Variants in PSMD14 observed in about 807,000 individuals in gnomAD.
PSMD14 encodes the protein proteasome 26S subunit, non-ATPase 14, also known as ubiquitin C-terminal hydrolase PSMD14.
Under a neutral mutation model 41.2 loss-of-function variants are expected in PSMD14, and 7 were observed. The ratio of observed to expected loss-of-function variants is 0.17; its 90% confidence interval spans 0.10 to 0.32. PSMD14 has a LOEUF of 0.32. Among genes scored for constraint, PSMD14 ranks in the 10% least tolerant of loss-of-function variants. The pLI, the probability that PSMD14 is intolerant of heterozygous loss-of-function variation, is 1.00. For synonymous variants in PSMD14, 114 were observed against 122.3 expected (o/e 0.93, Z 0.45); for missense variants, 139 against 375.6 (o/e 0.37, Z 5.21).
chr2:161,402,269 A>T (rs1437140237), intron 10 of PSMD14, among the ~76,000 whole-genome samples: 1 of 152,178 alleles, frequency 6.6e-6, no homozygotes, highest in Non-Finnish European at 1.5e-5. Context: ...AAAACTATTT[A>T]AAAAAAGAGA....
At chr2:161,359,216 C>T (rs1683255689) in intron 3 of PSMD14, among the ~76,000 whole-genome samples, 1 of 152,172 alleles carries the variant, frequency 6.6e-6, no homozygotes, top group Non-Finnish European at 1.5e-5. Flanking sequence ...AAGTGATCCT[C>T]CAGCTTTGGC....
intron 3 of PSMD14, among the ~76,000 whole-genome samples, chr2:161,359,766 A>C (rs907031092): frequency 6.6e-6 from 1 of 152,210 alleles, no homozygotes; most frequent in African/African-American, 2.4e-5. Flanking sequence ...AATGGAAGTG[A>C]ACTAAGCTCC....
At chr2:161,345,236 C>CTT (rs869245727) in intron 3 of PSMD14, among the ~76,000 whole-genome samples, 206 of 57,016 alleles carry the variant, frequency 3.6e-3, no homozygotes, top group Non-Finnish European at 3.8e-3. Flanking sequence ...ATCTCTGTGT[C>CTT]TTTTTTTTTT....
intron 11 of PSMD14, among the ~76,000 whole-genome samples, chr2:161,409,855 AT>A (rs1684000634): frequency 6.6e-6 from 1 of 152,022 alleles, no homozygotes; most frequent in Admixed American, 6.6e-5. Context: ...AATACAGTTC[AT>A]TTTATTTTCT....
intron 9 of PSMD14, 87 bp from the exon 10 acceptor site, chr2:161,394,991 T>G (rs796924886): frequency 4.3e-6 from 5 of 1,170,938 alleles, no homozygotes; most frequent in African/African-American, 3.2e-5. Context: ...TCGAAATGTT[T>G]TTTTTTTTTT....
chr2:161,368,017 A>T, intron 5 of PSMD14, 114 bp downstream of exon 5: 3 of 1,241,298 alleles, frequency 2.4e-6, no homozygotes, highest in Non-Finnish European at 3.3e-6. Context: ...AGGAAAAATT[A>T]ATCATAAGTT....
At chr2:161,343,114 T>A (rs1038639613) in intron 3 of PSMD14, among the ~76,000 whole-genome samples, 1 of 152,220 alleles carries the variant, frequency 6.6e-6, no homozygotes, top group African/African-American at 2.4e-5. Flanking sequence ...CATTTTTAAG[T>A]GATCAGTTCA....
At chr2:161,387,282 AC>A (rs1195663330) in intron 8 of PSMD14, among the ~76,000 whole-genome samples, 3 of 151,908 alleles carry the variant, frequency 2.0e-5, no homozygotes, top group Admixed American at 6.6e-5. Context: ...CTAGAAAGCA[AC>A]CCAGAAGAGC....
intron 3 of PSMD14, among the ~76,000 whole-genome samples, chr2:161,329,599 T>C (rs1682755576): frequency 1.3e-5 from 2 of 152,260 alleles, no homozygotes; most frequent in South Asian, 4.1e-4. Flanking sequence ...TCTTAAGAAG[T>C]AGAGAAGGGT....
At chr2:161,385,384 C>T (rs1170707218) in intron 7 of PSMD14, 80 bp from the exon 8 acceptor site, 18 of 651,362 alleles carry the variant, frequency 2.8e-5, no homozygotes, top group South Asian at 7.1e-5. Context: ...AGATGCACGT[C>T]GATCATGCCT....
chr2:161,344,586 G>C (rs1307520249), intron 3 of PSMD14, among the ~76,000 whole-genome samples: 1 of 151,970 alleles, frequency 6.6e-6, no homozygotes, highest in African/African-American at 2.4e-5. Context: ...CTTTTAAAGA[G>C]AGTTAAATAA....
chr2:161,345,664 G>C (rs1401283162), intron 3 of PSMD14, among the ~76,000 whole-genome samples: 2 of 151,822 alleles, frequency 1.3e-5, no homozygotes, highest in African/African-American at 4.8e-5. Flanking sequence ...CTTGTGCTTT[G>C]GTTTATTGAA....
rs374600740 is a variant in PSMD14, at chr2:161,310,562, A to G, written c.-138+1958A>G. On this transcript the variant is annotated intron_variant, in intron 1 of 11. Coordinates refer to ENST00000409682, the MANE Select transcript of PSMD14 (RefSeq NM_005805.6). Reference sequence around the variant, plus strand: ...ATTTGTGAAATGGGAGAACTTGATTAAATAATCTCTTCTAGTTCTAAAATG... The same window carrying G: ...ATTTGTGAAATGGGAGAACTTGATTGAATAATCTCTTCTAGTTCTAAAATG... Among the ~76,000 whole-genome samples, 4 of 146,322 alleles carry G rather than the reference A, an allele frequency of 2.7e-5. No individual in the cohort carries two copies. The East Asian group carries it at 7.7e-4, about 28-fold the overall frequency.
At chr2:161,346,988 G>C (rs1428115494) in intron 3 of PSMD14, among the ~76,000 whole-genome samples, 1 of 151,942 alleles carries the variant, frequency 6.6e-6, no homozygotes, top group Non-Finnish European at 1.5e-5. Context: ...TTTTTCTGTG[G>C]TACTCTGTCC....
intron 3 of PSMD14, among the ~76,000 whole-genome samples, chr2:161,323,489 C>T (rs1682641325): frequency 6.6e-6 from 1 of 151,936 alleles, no homozygotes; most frequent in Non-Finnish European, 1.5e-5. Context: ...ATGGGGAAAC[C>T]CCATCTCTAC....
Position 161,411,326 on chromosome 2 carries a change from C to T in PSMD14, c.859C>T (p.His287Tyr). The change falls in exon 12 of 12, where the codon CAT becomes TAT. Residue 287 changes from histidine (H) to tyrosine (Y), a missense_variant. His to Tyr is a moderately conservative substitution (Grantham distance 83). Around this residue, in one of 4 missense-constraint regions of PSMD14, gnomAD observed 80 missense variants for 138.1 expected, o/e 0.58. Coordinates refer to ENST00000409682, the MANE Select transcript of PSMD14 (RefSeq NM_005805.6). ...KQDPKRHLEEHVDVLMTSNIV... is the reference protein window; with the variant it reads ...KQDPKRHLEEYVDVLMTSNIV... ...GGACCCCAAACGTCATTTGGAGGAACATGTGGATGTACTTATGACCTCAAA... is the reference window on the plus strand; with the variant it reads ...GGACCCCAAACGTCATTTGGAGGAATATGTGGATGTACTTATGACCTCAAA... 6.2e-7 allele frequency: 1 copy of T among 1,608,476 alleles called. No individual in the cohort carries two copies. Among genetic ancestry groups the T allele is most frequent in the Non-Finnish European group, 8.5e-7 (1 of 1,177,088 alleles).
rs1381497034 is a variant in PSMD14 at position 161,310,049 on chromosome 2, T to C, written c.-138+1445T>C. On this transcript the variant is annotated intron_variant, in intron 1 of 11. Coordinates refer to ENST00000409682, the MANE Select transcript of PSMD14 (RefSeq NM_005805.6). Reference sequence around the variant, plus strand: ...GGTGGCACGTGCCTGTATTCCCAGCTACCTCAGGAGGCTGGAGGTGGAACC... The same window carrying C: ...GGTGGCACGTGCCTGTATTCCCAGCCACCTCAGGAGGCTGGAGGTGGAACC... Among the ~76,000 whole-genome samples the C allele has an allele frequency of 2.6e-5, 4 of 152,090 alleles. No homozygotes were observed. The East Asian group carries it at 7.7e-4, about 29-fold the overall frequency.
At position 161,404,629 on chromosome 2, in the gene PSMD14, G is replaced by A. The variant is rs116384042; in HGVS notation, c.772-4208G>A. ...TCGGAGTCATAACCTTTTCATGACAGAGTATGGCGCTGATGACAATTTGCT... is the reference window on the plus strand; with the variant it reads ...TCGGAGTCATAACCTTTTCATGACAAAGTATGGCGCTGATGACAATTTGCT... On this transcript the variant is annotated intron_variant, in intron 10 of 11. Coordinates refer to ENST00000409682, the MANE Select transcript of PSMD14 (RefSeq NM_005805.6). Among the ~76,000 whole-genome samples, 1,434 of 152,208 alleles carry A rather than the reference G, an allele frequency of 9.4e-3. 22 individuals carry two copies. The highest frequency in any genetic ancestry group is 0.032 in the African/African-American group (1,329 of 41,532).
intron 1 of PSMD14, among the ~76,000 whole-genome samples, chr2:161,311,395 T>C (rs1689085779): frequency 6.6e-6 from 1 of 152,182 alleles, no homozygotes; most frequent in Non-Finnish European, 1.5e-5. Context: ...TATAACTATT[T>C]GTATTGTATT....
Sources: gnomAD v4.1 joint callset for allele counts (sites outside exome capture counted in the v4.1 genomes callset) on GRCh38, gnomAD v4.1.1 for gene constraint, gnomAD v4.1.1 regional missense constraint, MANE v1.5 for transcripts, NCBI Gene and HGNC (gene_info 2026-07-23, HGNC 2026-07-21) for gene names.